BST1: variants seen among roughly 807,000 people sequenced by gnomAD.
BST1 encodes ADP-ribosyl cyclase/cyclic ADP-ribose hydrolase 2.
In BST1, 49 loss-of-function variants were observed where a neutral mutation model predicts 40.6. The ratio of observed to expected loss-of-function variants is 1.21; its 90% CI spans 0.96 to 1.53. The LOEUF is 1.53. Among genes scored for constraint, BST1 ranks in the 40% most tolerant of loss-of-function variants. BST1 has a pLI of 0.00. For missense variants in BST1, 423 were observed against 395.9 expected, an observed-to-expected ratio of 1.07 and a Z score of -0.58; for synonymous variants, 157 against 159.3, an observed-to-expected ratio of 0.99 and a Z score of 0.11.
chr4:15,722,813 A>G (rs1179308350), intron 7 of BST1, 62 bp from the exon 8 acceptor site: 4 of 1,470,082 alleles, frequency 2.7e-6, no homozygotes, highest in South Asian at 1.2e-5. Context: ...CAGGCAAGCC[A>G]TAAATGGTTG....
downstream of BST1, among the ~76,000 whole-genome samples, chr4:15,740,135 C>T (rs561875948): frequency 5.0e-4 from 76 of 152,286 alleles, no homozygotes; most frequent in Non-Finnish European, 8.4e-4. Context: ...CTCACTGCAA[C>T]GTCTGCCTCC....
At chr4:15,764,935 A>G in the BST1 span, among the ~76,000 whole-genome samples, 1 of 151,008 alleles carries the variant, frequency 6.6e-6, no homozygotes, top group Non-Finnish European at 1.5e-5. Context: ...CCAGAGCCCT[A>G]TTGCATAGGT....
downstream of BST1, among the ~76,000 whole-genome samples, chr4:15,741,605 C>A (rs1560293260): frequency 6.6e-6 from 1 of 151,902 alleles, no homozygotes; most frequent in African/African-American, 2.4e-5. Context: ...TTGTACAACC[C>A]CAAAGACACA....
At chr4:15,725,996 C>CT (rs1280404744) in intron 8 of BST1, among the ~76,000 whole-genome samples, 1 of 118,014 alleles carries the variant, frequency 8.5e-6, no homozygotes, top group Non-Finnish European at 1.6e-5. Flanking sequence ...TCTCCTCTCT[C>CT]TGTCACCCAG....
At chr4:15,738,629 G>A (rs536359312), downstream of BST1, among the ~76,000 whole-genome samples, 6 of 152,332 alleles carry the variant, frequency 3.9e-5, no homozygotes, top group South Asian at 2.1e-4. Flanking sequence ...ATGACCACAC[G>A]TTAGCCAGCT....
the BST1 span, among the ~76,000 whole-genome samples, chr4:15,764,718 G>C: frequency 3.3e-5 from 5 of 151,832 alleles, 1 homozygote; most frequent in African/African-American, 1.2e-4. Flanking sequence ...ACTCTCAACC[G>C]ATGTGGGCCT....
chr4:15,741,161 C>T (rs1314623119), downstream of BST1, among the ~76,000 whole-genome samples: 1 of 152,046 alleles, frequency 6.6e-6, no homozygotes, highest in Non-Finnish European at 1.5e-5. Flanking sequence ...GGGGCTGCTA[C>T]AGACAAGTAG....
At chr4:15,707,855 C>CTCTCTCTATATA (rs544633858) in intron 3 of BST1, among the ~76,000 whole-genome samples, 363 of 128,528 alleles carry the variant, frequency 2.8e-3, no homozygotes, top group African/African-American at 9.5e-3. Flanking sequence ...CTCTCTCTCT[C>CTCTCTCTATATA]TATATATATA....
chr4:15,746,280 T>G, the BST1 span, among the ~76,000 whole-genome samples: 1 of 152,246 alleles, frequency 6.6e-6, no homozygotes, highest in Non-Finnish European at 1.5e-5. Context: ...ATCACCACAC[T>G]GTTCTTTCTT....
intron 8 of BST1, 143 bp downstream of exon 8, chr4:15,723,077 A>C: frequency 1.4e-6 from 1 of 720,658 alleles, no homozygotes; most frequent in Non-Finnish European, 2.3e-6. Context: ...ATTTTTATTT[A>C]TATGTATCTG....
chr4:15,727,282 T>C (rs1471285764), intron 8 of BST1, among the ~76,000 whole-genome samples: 2 of 152,212 alleles, frequency 1.3e-5, no homozygotes. Context: ...GGGTTTGCAG[T>C]TCCTGACCTG....
intron 8 of BST1, 101 bp downstream of exon 8, chr4:15,723,035 T>C: frequency 3.7e-6 from 4 of 1,081,144 alleles, no homozygotes; most frequent in Non-Finnish European, 5.6e-6. Context: ...GAGGCAGATG[T>C]AAGTGTGCTC....
Position 15,719,703 on chromosome 4 carries a change from G to A in BST1, c.791+710G>A, listed in dbSNP as rs536475015. On this transcript the variant is annotated intron_variant, in intron 7 of 8. Coordinates refer to ENST00000265016, the MANE Select transcript of BST1 (RefSeq NM_004334.3). Reference sequence around the variant, plus strand: ...CTGAGTGTCGCTGGGTGGAAATGACGTCAGTGGTCTTTTGTTGCCTAACAC... The same window carrying A: ...CTGAGTGTCGCTGGGTGGAAATGACATCAGTGGTCTTTTGTTGCCTAACAC... Among the ~76,000 whole-genome samples, 8 of 152,258 alleles carry A rather than the reference G, an allele frequency of 5.3e-5. No individual in the cohort carries two copies. The South Asian group carries it at 1.5e-3, about 28-fold the overall frequency.
the BST1 span, among the ~76,000 whole-genome samples, chr4:15,755,695 T>C: frequency 6.6e-6 from 1 of 152,292 alleles, no homozygotes; most frequent in African/African-American, 2.4e-5. Flanking sequence ...CTTCAGTCAA[T>C]GTAGAGTGGT....
At chr4:15,721,974 A>G (rs1720833592) in intron 7 of BST1, among the ~76,000 whole-genome samples, 1 of 151,490 alleles carries the variant, frequency 6.6e-6, no homozygotes, top group African/African-American at 2.4e-5. Flanking sequence ...CTCCTACCTA[A>G]CTCCCCGTGT....
chr4:15,768,474 C>G, the BST1 span, among the ~76,000 whole-genome samples: 1 of 145,106 alleles, frequency 6.9e-6, no homozygotes, highest in Non-Finnish European at 1.5e-5. Flanking sequence ...TGTTGATGGA[C>G]AGTATCTTTT....
At chr4:15,771,397 T>C in the BST1 span, among the ~76,000 whole-genome samples, 5 of 152,242 alleles carry the variant, frequency 3.3e-5, no homozygotes, top group Non-Finnish European at 7.3e-5. Flanking sequence ...ACCACAGTGT[T>C]AGACGTTTGT....
At position 15,726,937 on chromosome 4, in the gene BST1, C is replaced by G. The variant is rs192741919; in HGVS notation, c.851+4003C>G. 5.4e-3 allele frequency among the ~76,000 whole-genome samples: 780 copies of G among 144,646 alleles called. 7 individuals carry two copies. Among genetic ancestry groups the G allele is most frequent in the African/African-American group, 0.019 (738 of 38,442 alleles). The allele number at this position is 144,646 out of a possible 152,430, so 94.9% of individuals were successfully genotyped here. A position where few individuals can be genotyped will look rare whatever the true frequency, so the allele number is the denominator to read the frequency against. On this transcript the variant is annotated intron_variant, in intron 8 of 8. Transcript: ENST00000265016. Reference sequence around the variant, plus strand: ...CCAGGCTGGAGTGCAGTGGCGTGATCTCGGCTCACTGCACCCTCCGCCTCC... The same window carrying G: ...CCAGGCTGGAGTGCAGTGGCGTGATGTCGGCTCACTGCACCCTCCGCCTCC...
At chr4:15,707,489 T>A in intron 2 of BST1, 22 bp from the exon 3 acceptor site, 2 of 1,613,654 alleles carry the variant, frequency 1.2e-6, no homozygotes, top group Non-Finnish European at 1.7e-6. Flanking sequence ...TGTATTTTGA[T>A]GTTTTGTTTG....
Sources: allele counts gnomAD v4.1 joint callset (sites outside exome capture counted in the v4.1 genomes callset), GRCh38; gene constraint gnomAD v4.1.1; transcripts MANE v1.5; gene names NCBI Gene and HGNC (gene_info 2026-07-23, HGNC 2026-07-21).